UTRN: variants seen among roughly 807,000 people sequenced by gnomAD.
UTRN encodes the protein utrophin.
A neutral mutation model predicts 463.9 loss-of-function variants in UTRN; 283 were observed. The observed-to-expected ratio is 0.61, with a 90% CI of 0.55 to 0.67. The LOEUF is 0.67. Among genes scored for constraint, UTRN ranks in the 30% least tolerant of loss-of-function variants. The probability of loss-of-function intolerance (pLI) is 0.00; values close to 1 mark genes in which losing one functional copy is unlikely to be tolerated. For missense variants in UTRN, 3,922 were observed against 4,084.3 expected, an observed-to-expected ratio of 0.96 and a Z score of 1.08; for synonymous variants, 1,442 against 1,431.5, an observed-to-expected ratio of 1.01 and a Z score of -0.17.
At chr6:144,437,486 G>T in intron 10 of UTRN, 79 bp from the exon 11 acceptor site, 1 of 1,394,652 alleles carries the variant, frequency 7.2e-7, no homozygotes, top group Admixed American at 2.5e-5. Flanking sequence ...ATTTAGGTTA[G>T]GCATTAGCAA....
At chr6:144,742,247 A>T (rs2128719817) in intron 54 of UTRN, among the ~76,000 whole-genome samples, 1 of 152,286 alleles carries the variant, frequency 6.6e-6, no homozygotes, top group African/African-American at 2.4e-5. Context: ...TATTAAATGG[A>T]CATAATTAGA....
At chr6:144,497,503 C>T (rs1470061486) in intron 33 of UTRN, among the ~76,000 whole-genome samples, 3 of 141,882 alleles carry the variant, frequency 2.1e-5, no homozygotes, top group East Asian at 2.0e-4. Context: ...GGCAAAAACC[C>T]GTCTCTACTC....
intron 52 of UTRN, among the ~76,000 whole-genome samples, chr6:144,685,568 A>G (rs1782665966): frequency 6.6e-6 from 1 of 152,122 alleles, no homozygotes; most frequent in Non-Finnish European, 1.5e-5. Context: ...TGGTCAGGGT[A>G]AGGTGGTATC....
chr6:144,587,696 CT>C (rs1802605627), intron 51 of UTRN, among the ~76,000 whole-genome samples: 2 of 152,036 alleles, frequency 1.3e-5, no homozygotes, highest in Non-Finnish European at 2.9e-5. Context: ...CCCTGCTCTC[CT>C]TGGACAATTA....
intron 53 of UTRN, among the ~76,000 whole-genome samples, chr6:144,711,422 A>C (rs935366646): frequency 6.6e-6 from 1 of 152,232 alleles, no homozygotes; most frequent in Non-Finnish European, 1.5e-5. Flanking sequence ...AATTTTTAGA[A>C]TCATTTTTGA....
At chr6:144,643,586 C>G (rs142571743) in intron 51 of UTRN, among the ~76,000 whole-genome samples, 4,588 of 152,106 alleles carry the variant, frequency 0.03, 224 homozygotes, top group African/African-American at 0.11. Context: ...CACCTGAGGT[C>G]AGGAGTTCAA....
intron 2 of UTRN, among the ~76,000 whole-genome samples, chr6:144,381,118 C>T (rs776763975): frequency 2.6e-5 from 4 of 151,842 alleles, no homozygotes; most frequent in Non-Finnish European, 4.4e-5. Context: ...ATTTCATCAT[C>T]CAGGTATTAA....
chr6:144,365,369 A>G (rs1396642594), intron 2 of UTRN, among the ~76,000 whole-genome samples: 2 of 152,228 alleles, frequency 1.3e-5, no homozygotes, highest in Non-Finnish European at 2.9e-5. Context: ...AAGTACTTTC[A>G]ACTTTAGGGC....
intron 55 of UTRN, among the ~76,000 whole-genome samples, chr6:144,748,979 T>C (rs1586367969): frequency 6.6e-6 from 1 of 152,128 alleles, no homozygotes; most frequent in Admixed American, 6.6e-5. Context: ...GTATCTCTTG[T>C]AAATTGGTGG....
chr6:144,597,856 G>A (rs1195210106), intron 51 of UTRN, among the ~76,000 whole-genome samples: 2 of 152,138 alleles, frequency 1.3e-5, no homozygotes, highest in African/African-American at 2.4e-5. Context: ...CACATATGGT[G>A]TGATTCTTTT....
intron 23 of UTRN, among the ~76,000 whole-genome samples, chr6:144,468,857 C>T (rs188874318): frequency 9.9e-5 from 15 of 152,186 alleles, no homozygotes; most frequent in Non-Finnish European, 1.9e-4. Context: ...TTGATTGTGA[C>T]AATATTTTGC....
At chr6:144,493,634 T>C (rs1483692969) in intron 33 of UTRN, among the ~76,000 whole-genome samples, 178 bp downstream of exon 33, 8 of 152,328 alleles carry the variant, frequency 5.3e-5, no homozygotes, top group African/African-American at 1.9e-4. Context: ...TATATTTCTT[T>C]AAATGTATGT....
intron 2 of UTRN, among the ~76,000 whole-genome samples, chr6:144,338,783 C>A (rs1362773750): frequency 1.3e-5 from 2 of 152,128 alleles, no homozygotes; most frequent in East Asian, 3.8e-4. Context: ...ACAGATTCAT[C>A]ATCCTTCATC....
intron 2 of UTRN, among the ~76,000 whole-genome samples, chr6:144,367,728 G>A (rs1322635572): frequency 6.6e-6 from 1 of 152,024 alleles, no homozygotes; most frequent in Non-Finnish European, 1.5e-5. Context: ...GGCGGGGGGC[G>A]ACCAGGAGAA....
chr6:144,573,836 T>TA (rs1162727153), intron 50 of UTRN, among the ~76,000 whole-genome samples: 6 of 152,300 alleles, frequency 3.9e-5, no homozygotes, highest in African/African-American at 1.2e-4. Context: ...GGTGGAAAGA[T>TA]ACGAAAACTA....
chr6:144,828,559 G>A (rs1176023766), intron 68 of UTRN, among the ~76,000 whole-genome samples: 1 of 152,184 alleles, frequency 6.6e-6, no homozygotes, highest in Non-Finnish European at 1.5e-5. Context: ...GATTAGGTCA[G>A]TTAGGAGACT....
chr6:144,499,148 G>C (rs1280906163), intron 33 of UTRN, 109 bp from the exon 34 acceptor site: 1 of 1,191,322 alleles, frequency 8.4e-7, no homozygotes, highest in Non-Finnish European at 1.2e-6. Context: ...TGTATGTCTT[G>C]GGGGTTATAT....
In UTRN at chr6:144,583,417, C is replaced by G. The variant is rs1300805399; in HGVS notation, c.7479+6129C>G. On this transcript the variant is annotated intron_variant, in intron 51 of 74. Transcript: ENST00000367545. Reference sequence around the variant, plus strand: ...GCTCAGAGAACTGACAAATCATTGTCCAGTGACCGGGAGGAAATGATCGTT... The same window carrying G: ...GCTCAGAGAACTGACAAATCATTGTGCAGTGACCGGGAGGAAATGATCGTT... 3.3e-5 allele frequency: 21 copies of G among 630,588 alleles called. No individual in the cohort carries two copies. The East Asian group carries it at 5.9e-4, about 18-fold the overall frequency. The allele number at this position is 630,588 out of a possible 1,614,324, so 39.1% of individuals were successfully genotyped here.
chr6:144,686,050 A>T (rs971022480), intron 52 of UTRN, among the ~76,000 whole-genome samples: 1 of 152,066 alleles, frequency 6.6e-6, no homozygotes, highest in African/African-American at 2.4e-5. Flanking sequence ...TAAGTCTTTA[A>T]TCCATGTTGA....
Sources: gnomAD v4.1 joint callset for allele counts (sites outside exome capture counted in the v4.1 genomes callset) on GRCh38, gnomAD v4.1.1 for gene constraint, MANE v1.5 for transcripts, NCBI Gene and HGNC (gene_info 2026-07-23, HGNC 2026-07-21) for gene names.